PDE3A: variants seen among roughly 807,000 people sequenced by gnomAD.
PDE3A encodes the protein cGMP-inhibited 3',5'-cyclic phosphodiesterase 3A.
PDE3A carries 43 observed loss-of-function variants against 98.3 expected under a neutral mutation model. The ratio of observed to expected loss-of-function variants is 0.44; its 90% CI spans 0.34 to 0.56. PDE3A has a LOEUF of 0.56. PDE3A is among the 20% of genes least tolerant of loss of function. The pLI, the probability that PDE3A is intolerant of heterozygous loss-of-function variation, is 0.01. For synonymous variants in PDE3A, 663 were observed against 567.9 expected, an observed-to-expected ratio of 1.17 and a Z score of -2.38; for missense variants, 1,427 against 1,440.7, an observed-to-expected ratio of 0.99 and a Z score of 0.15.
chr12:20,625,781 G>C (rs150635736), intron 5 of PDE3A, among the ~76,000 whole-genome samples: 15 of 152,108 alleles, frequency 9.9e-5, no homozygotes, highest in African/African-American at 3.1e-4. Flanking sequence ...GGAATTAAAG[G>C]CCGAATTACT....
At position 20,519,508 on chromosome 12, in the gene PDE3A, G is replaced by A. The variant is rs144129998; in HGVS notation, c.961-37152G>A. On this transcript the variant is annotated intron_variant, in intron 1 of 15. Transcript: ENST00000359062. Reference sequence around the variant, plus strand: ...TTACTGTGTGCTCATAGAACACATTGTATGAATTTGCCCTTTGATGTATAT... The same window carrying A: ...TTACTGTGTGCTCATAGAACACATTATATGAATTTGCCCTTTGATGTATAT... Among the ~76,000 whole-genome samples the A allele has an allele frequency of 5.0e-3, 760 of 152,296 alleles. 10 individuals carry two copies. Among genetic ancestry groups the A allele is most frequent in the African/African-American group, 0.018 (728 of 41,564 alleles).
chr12:20,491,852 G>A (rs550934115), intron 1 of PDE3A, among the ~76,000 whole-genome samples: 26 of 152,324 alleles, frequency 1.7e-4, no homozygotes, highest in African/African-American at 6.3e-4. Flanking sequence ...GTAGTAAGTA[G>A]TGTCCAATGT....
At chr12:20,393,265 A>C (rs914455237) in intron 1 of PDE3A, among the ~76,000 whole-genome samples, 3 of 151,978 alleles carry the variant, frequency 2.0e-5, no homozygotes, top group Non-Finnish European at 4.4e-5. Context: ...GGCAGAAGGC[A>C]AGGGGGACCA....
At chr12:20,493,353 CAG>C (rs1325534782) in intron 1 of PDE3A, among the ~76,000 whole-genome samples, 1 of 151,958 alleles carries the variant, frequency 6.6e-6, no homozygotes, top group Admixed American at 6.6e-5. Context: ...GAAAAAATAA[CAG>C]TACAACAATA....
chr12:20,416,396 C>T (rs1333631982), intron 1 of PDE3A, among the ~76,000 whole-genome samples: 1 of 152,050 alleles, frequency 6.6e-6, no homozygotes. Flanking sequence ...TGGATATAAC[C>T]CACCTTTGTA....
chr12:20,406,896 T>A (rs145245559), intron 1 of PDE3A, among the ~76,000 whole-genome samples: 1 of 152,276 alleles, frequency 6.6e-6, no homozygotes, highest in South Asian at 2.1e-4. Context: ...TAACAGTCAA[T>A]ATTATTTTTG....
intron 1 of PDE3A, among the ~76,000 whole-genome samples, chr12:20,549,057 T>C (rs1432600621): frequency 6.6e-6 from 1 of 152,102 alleles, no homozygotes; most frequent in Non-Finnish European, 1.5e-5. Flanking sequence ...TTAATAGGAG[T>C]ACTTACCAGT....
At chr12:20,584,987 A>G (rs1335273171) in intron 2 of PDE3A, among the ~76,000 whole-genome samples, 1 of 152,192 alleles carries the variant, frequency 6.6e-6, no homozygotes, top group African/African-American at 2.4e-5. Context: ...ACTATAGAAA[A>G]TACGTTAGAA....
At chr12:20,405,624 A>C (rs570748910) in intron 1 of PDE3A, among the ~76,000 whole-genome samples, 1 of 152,278 alleles carries the variant, frequency 6.6e-6, no homozygotes, top group East Asian at 1.9e-4. Flanking sequence ...AAAATCGTAT[A>C]TATTCACAGA....
At chr12:20,470,043 T>C (rs1414442736) in intron 1 of PDE3A, among the ~76,000 whole-genome samples, 1 of 152,166 alleles carries the variant, frequency 6.6e-6, no homozygotes, top group African/African-American at 2.4e-5. Context: ...CTCCAAGTCT[T>C]CCTGGAAATC....
chr12:20,394,050 C>A (rs571458185), intron 1 of PDE3A, among the ~76,000 whole-genome samples: 2 of 151,978 alleles, frequency 1.3e-5, no homozygotes, highest in Non-Finnish European at 2.9e-5. Context: ...TTGTGGACCA[C>A]GCAAGCATTT....
intron 2 of PDE3A, among the ~76,000 whole-genome samples, chr12:20,575,214 T>C (rs1306777129): frequency 1.3e-5 from 2 of 152,076 alleles, no homozygotes; most frequent in African/African-American, 4.8e-5. Flanking sequence ...GACAAAGTTG[T>C]TCTTACTAAA....
chr12:20,677,441 T>C (rs1460242102), intron 15 of PDE3A, among the ~76,000 whole-genome samples: 2 of 140,980 alleles, frequency 1.4e-5, no homozygotes, highest in Admixed American at 7.1e-5. Flanking sequence ...GGTGTAGCAG[T>C]TGCTTGTTCT....
intron 1 of PDE3A, among the ~76,000 whole-genome samples, chr12:20,493,666 T>C (rs1399762309): frequency 6.6e-6 from 1 of 152,102 alleles, no homozygotes; most frequent in Non-Finnish European, 1.5e-5. Flanking sequence ...GTTTTGCTCT[T>C]GTTGCCAAGG....
At chr12:20,648,660 T>G (rs767940052) in intron 12 of PDE3A, 28 bp from the exon 13 acceptor site, 3 of 1,418,874 alleles carry the variant, frequency 2.1e-6, no homozygotes, top group Non-Finnish European at 2.0e-6. Context: ...CTTAAAAAGT[T>G]GAACTCTTAA....
chr12:20,551,634 G>A lies in PDE3A; in HGVS notation c.961-5026G>A. On this transcript the variant is annotated intron_variant, in intron 1 of 15. Transcript: ENST00000359062. ...CCGACAAGCAGCTCATGTGCGATGA[G>A]TGCGACATGGCCTTCCACATCTACT... The A allele has an allele frequency of 3.8e-6, 6 of 1,583,910 alleles. No individual in the cohort carries two copies. In the East Asian group the frequency reaches 7.0e-5, roughly 18 times the overall value.
chr12:20,488,088 C>A (rs1006790156), intron 1 of PDE3A, among the ~76,000 whole-genome samples: 1 of 152,002 alleles, frequency 6.6e-6, no homozygotes, highest in South Asian at 2.1e-4. Context: ...CACTTAAAAC[C>A]AAATAAAACA....
At chr12:20,412,123 CA>C (rs1799803854) in intron 1 of PDE3A, among the ~76,000 whole-genome samples, 1 of 152,100 alleles carries the variant, frequency 6.6e-6, no homozygotes, top group Non-Finnish European at 1.5e-5. Flanking sequence ...TAATTTTAAA[CA>C]CTGTTGTTGA....
At chr12:20,671,379 A>G (rs1157875522) in intron 15 of PDE3A, among the ~76,000 whole-genome samples, 2 of 152,140 alleles carry the variant, frequency 1.3e-5, no homozygotes, top group African/African-American at 2.4e-5. Flanking sequence ...TACCGAAGCC[A>G]GGCAGAGACA....
Sources: gnomAD v4.1 joint callset for allele counts (sites outside exome capture counted in the v4.1 genomes callset) on GRCh38, gnomAD v4.1.1 for gene constraint, MANE v1.5 for transcripts, NCBI Gene and HGNC (gene_info 2026-07-23, HGNC 2026-07-21) for gene names.